POLA1: variants seen among roughly 807,000 people sequenced by gnomAD.
POLA1 encodes DNA polymerase alpha 1, catalytic subunit.
Under a neutral mutation model 124.0 loss-of-function variants are expected in POLA1, and 15 were observed. The observed-to-expected ratio is 0.12, with a 90% confidence interval of 0.08 to 0.19. The LOEUF (loss-of-function observed/expected upper bound fraction) is 0.19. Ranked by LOEUF, POLA1 falls within the 10% of genes least tolerant of loss-of-function variation. The pLI is 1.00. For synonymous variants in POLA1, 408 were observed against 389.4 expected, an observed-to-expected ratio of 1.05 and a Z score of -0.56; for missense variants, 886 against 1,103.4, an observed-to-expected ratio of 0.80 and a Z score of 2.79.
chrX:24,825,796 T>G (rs1231200768), intron 31 of POLA1, among the ~76,000 whole-genome samples: 1 of 111,954 alleles, frequency 8.9e-6, no homozygotes, highest in Non-Finnish European at 1.9e-5. Context: ...TGGCCAGATA[T>G]TTGGCTTTTA....
rs563999519 is a variant in POLA1, at chrX:24,914,115, G to A, written c.4165-16338G>A. ...CATGTGCCTTTAATCTCAGCTCCTCGTGAGGCTGAGGCGGGAGGATCGCTT... is the reference window on the plus strand; with the variant it reads ...CATGTGCCTTTAATCTCAGCTCCTCATGAGGCTGAGGCGGGAGGATCGCTT... On this transcript the variant is annotated intron_variant, in intron 35 of 36. Transcript: ENST00000379068. Among the ~76,000 whole-genome samples, 29 of 110,336 alleles carry A rather than the reference G, an allele frequency of 2.6e-4. No homozygotes were observed. The South Asian group carries it at 0.011, about 43-fold the overall frequency.
At chrX:24,853,884 A>C (rs967475622) in intron 34 of POLA1, among the ~76,000 whole-genome samples, 3 of 112,431 alleles carry the variant, frequency 2.7e-5, no homozygotes, top group Non-Finnish European at 5.6e-5. Flanking sequence ...GTACTTCAAC[A>C]CATGATAATA....
chrX:24,987,012 T>G (rs921616670), intron 36 of POLA1, among the ~76,000 whole-genome samples: 1 of 111,437 alleles, frequency 9.0e-6, no homozygotes, highest in African/African-American at 3.3e-5. Context: ...GACTCTCTTC[T>G]TAAAAAGGAA....
intron 10 of POLA1, among the ~76,000 whole-genome samples, chrX:24,718,720 C>G (rs111686293): frequency 9.0e-6 from 1 of 111,101 alleles, no homozygotes; most frequent in African/African-American, 3.3e-5. Flanking sequence ...TGCACACACA[C>G]GTGGAGGGAT....
intron 32 of POLA1, among the ~76,000 whole-genome samples, chrX:24,829,553 T>C (rs1166864400): frequency 8.9e-6 from 1 of 112,369 alleles, no homozygotes; most frequent in African/African-American, 3.2e-5. Flanking sequence ...CCCATCATCA[T>C]GAAGATCTGT....
chrX:24,939,959 A>G (rs754742496), intron 36 of POLA1, among the ~76,000 whole-genome samples: 1 of 111,999 alleles, frequency 8.9e-6, no homozygotes, highest in African/African-American at 3.2e-5. Flanking sequence ...TGGCTTATTT[A>G]ATAGCTATCT....
At chrX:24,696,747 C>T (rs1412031313) in intron 1 of POLA1, among the ~76,000 whole-genome samples, 6 of 111,614 alleles carry the variant, frequency 5.4e-5, no homozygotes, top group African/African-American at 1.6e-4. Flanking sequence ...ACTGGTTAAC[C>T]GGTGTTCTCA....
chrX:24,733,552 A>G (rs759240854), intron 16 of POLA1, among the ~76,000 whole-genome samples: 2 of 112,000 alleles, frequency 1.8e-5, no homozygotes, highest in African/African-American at 6.5e-5. Flanking sequence ...AGTTTTAACA[A>G]CTGCAGGGAC....
In POLA1 at chrX:24,844,669, G is replaced by A. The variant is rs183134063; in HGVS notation, c.4047+992G>A. Among the ~76,000 whole-genome samples the A allele has an allele frequency of 3.6e-3, 405 of 111,883 alleles. 5 individuals carry two copies. The highest frequency in any genetic ancestry group is 3.3e-3 in the Non-Finnish European group (176 of 53,127). On this transcript the variant is annotated intron_variant, in intron 34 of 36. Coordinates refer to ENST00000379068, the MANE Select transcript of POLA1 (RefSeq NM_001330360.2). ...AGAGTTCCAGTATTATGATTTTGGT[G>A]TTGAATATATTTATCAGAAAAGCAA...
intron 36 of POLA1, among the ~76,000 whole-genome samples, chrX:24,965,266 G>A (rs1291064454): frequency 6.2e-5 from 7 of 112,233 alleles, no homozygotes; most frequent in Non-Finnish European, 1.1e-4. Flanking sequence ...GGTGGGCTTG[G>A]TAAGTGAAGG....
chrX:24,723,324 T>C (rs1930321646), intron 11 of POLA1, 57 bp downstream of exon 11: 2 of 734,897 alleles, frequency 2.7e-6, no homozygotes, highest in Admixed American at 4.6e-5. Context: ...ACACATTCTG[T>C]GTTTTGCAGC....
chrX:24,788,198 A>G (rs1370486693), intron 26 of POLA1, among the ~76,000 whole-genome samples: 1 of 111,797 alleles, frequency 8.9e-6, no homozygotes, highest in Non-Finnish European at 1.9e-5. Flanking sequence ...CAAATTAGAT[A>G]TGGAAGGAAA....
Position 24,743,473 on chromosome X carries a change from A to C in POLA1, c.2566+144A>C, listed in dbSNP as rs180990645. 1.5e-4 allele frequency: 51 copies of C among 335,932 alleles called. No individual in the cohort carries two copies. In the East Asian group the frequency reaches 2.4e-3, roughly 16 times the overall value. 27.7% of individuals were successfully genotyped at this position (335,932 alleles called of 1,213,427 possible). A position where few individuals can be genotyped will look rare whatever the true frequency, so the allele number is the denominator to read the frequency against. On this transcript the variant is annotated intron_variant, in intron 23 of 36. Transcript: ENST00000379068. Reference sequence around the variant, plus strand: ...ACTTTTATCTTTCGTTCACGTGAAAATCTTGGTTGCCAGTCACCTGACATA... The same window carrying C: ...ACTTTTATCTTTCGTTCACGTGAAACTCTTGGTTGCCAGTCACCTGACATA...
At chrX:24,905,656 G>A (rs1237182571) in intron 35 of POLA1, among the ~76,000 whole-genome samples, 3 of 102,320 alleles carry the variant, frequency 2.9e-5, no homozygotes, top group African/African-American at 1.1e-4. Context: ...TCCGGTCCCC[G>A]GGCTTAAGTG....
At chrX:24,949,803 C>T (rs1023592117) in intron 36 of POLA1, among the ~76,000 whole-genome samples, 13 of 105,423 alleles carry the variant, frequency 1.2e-4, no homozygotes, top group South Asian at 8.7e-4. Context: ...GGTGCGATCT[C>T]GGCTCACTGC....
Position 24,727,084 on chromosome X carries a change from A to T in POLA1, c.1531+13A>T, listed in dbSNP as rs2148363049. ...GTAAAAAGTCCACGTAAGGAAAAAT[A>T]CATGCTCAGAATGCTGAATAGATTG... On this transcript the variant is annotated intron_variant, in intron 14 of 36. Coordinates refer to ENST00000379068, the MANE Select transcript of POLA1 (RefSeq NM_001330360.2). 1.7e-6 allele frequency: 2 copies of T among 1,175,561 alleles called. No individual in the cohort carries two copies. The highest frequency in any genetic ancestry group is 2.4e-5 in the Admixed American group (1 of 42,452).
intron 26 of POLA1, among the ~76,000 whole-genome samples, chrX:24,777,692 C>A (rs1266449515): frequency 8.9e-6 from 1 of 112,182 alleles, no homozygotes; most frequent in Non-Finnish European, 1.9e-5. Context: ...CTCTAATCCT[C>A]ATGGAATCCT....
At chrX:24,828,408 A>T (rs1449089722) in intron 32 of POLA1, among the ~76,000 whole-genome samples, 1 of 111,744 alleles carries the variant, frequency 8.9e-6, no homozygotes, top group African/African-American at 3.3e-5. Context: ...AAAGGTTGTG[A>T]TCTTAACTAC....
At chrX:24,712,081 T>A (rs1037601583) in intron 4 of POLA1, among the ~76,000 whole-genome samples, 57 of 109,962 alleles carry the variant, frequency 5.2e-4, no homozygotes, top group Non-Finnish European at 3.0e-4. Flanking sequence ...TTCATTTGCA[T>A]TTTTTTTTGT....
Sources: gnomAD v4.1 joint callset for allele counts (sites outside exome capture counted in the v4.1 genomes callset) on GRCh38, gnomAD v4.1.1 for gene constraint, MANE v1.5 for transcripts, NCBI Gene and HGNC (gene_info 2026-07-23, HGNC 2026-07-21) for gene names.